Variants in GABRB1 observed in about 807,000 individuals in gnomAD.
The protein encoded by GABRB1 is gamma-aminobutyric acid type A receptor subunit beta1.
In GABRB1, 17 loss-of-function variants were observed where a neutral mutation model predicts 51.6. The ratio of observed to expected loss-of-function variants is 0.33; its 90% CI spans 0.23 to 0.49. GABRB1 has a LOEUF of 0.49. GABRB1 is among the 20% of genes least tolerant of loss of function. The probability of loss-of-function intolerance (pLI) is 0.99; values close to 1 mark genes in which losing one functional copy is unlikely to be tolerated. For synonymous variants in GABRB1, 247 were observed against 218.9 expected, an observed-to-expected ratio of 1.13 and a Z score of -1.14; for missense variants, 410 against 600.6, an observed-to-expected ratio of 0.68 and a Z score of 3.32.
chr4:47,345,749 A>G (rs913732847), intron 5 of GABRB1, among the ~76,000 whole-genome samples: 6 of 152,128 alleles, frequency 3.9e-5, no homozygotes, highest in African/African-American at 1.2e-4. Context: ...GTTACTCCGG[A>G]CCTCATGTCA....
intron 1 of GABRB1, among the ~76,000 whole-genome samples, chr4:47,005,991 G>A (rs1724386292): frequency 6.8e-6 from 1 of 146,822 alleles, no homozygotes; most frequent in Admixed American, 6.8e-5. Context: ...GGAGGCTTTT[G>A]TTATTCTTTT....
chr4:47,363,339 A>T (rs1726871166), intron 5 of GABRB1, among the ~76,000 whole-genome samples: 1 of 152,136 alleles, frequency 6.6e-6, no homozygotes, highest in African/African-American at 2.4e-5. Context: ...GCTACATACC[A>T]TATACCATGG....
Position 47,425,663 on chromosome 4 carries a change from T to C in GABRB1, c.1081-11T>C, listed in dbSNP as rs1319659538. On this transcript the variant is annotated splice_polypyrimidine_tract_variant and intron_variant, in intron 8 of 8. Transcript: ENST00000295454. Reference sequence around the variant, plus strand: ...GCAACTTGTGTCCGAGCCTGTTCTTTTTGCCATCAGGTCGACGCCCACGGT... The same window carrying C: ...GCAACTTGTGTCCGAGCCTGTTCTTCTTGCCATCAGGTCGACGCCCACGGT... 1.9e-6 allele frequency: 3 copies of C among 1,577,388 alleles called. No homozygotes were observed. In the South Asian group the frequency reaches 3.5e-5, roughly 18 times the overall value.
At chr4:47,148,051 A>G (rs1717254828) in intron 3 of GABRB1, among the ~76,000 whole-genome samples, 1 of 152,102 alleles carries the variant, frequency 6.6e-6, no homozygotes, top group Non-Finnish European at 1.5e-5. Context: ...ACAAGACTAG[A>G]GAAGTCTACT....
At chr4:47,121,316 A>T (rs1156830982) in intron 3 of GABRB1, among the ~76,000 whole-genome samples, 1 of 151,764 alleles carries the variant, frequency 6.6e-6, no homozygotes, top group Non-Finnish European at 1.5e-5. Flanking sequence ...CTCTCTCCCC[A>T]CCCCTGAGGC....
At chr4:47,261,039 G>A (rs2109877938) in intron 4 of GABRB1, among the ~76,000 whole-genome samples, 1 of 152,220 alleles carries the variant, frequency 6.6e-6, no homozygotes, top group South Asian at 2.1e-4. Flanking sequence ...AGGTATTGAT[G>A]GGACAAATCT....
chr4:47,068,017 A>G (rs1417925207), intron 3 of GABRB1, among the ~76,000 whole-genome samples: 1 of 152,184 alleles, frequency 6.6e-6, no homozygotes, highest in Non-Finnish European at 1.5e-5. Flanking sequence ...GCTGAGGATA[A>G]TGGCTTCTAG....
chr4:47,059,141 G>T (rs969315062), intron 3 of GABRB1, among the ~76,000 whole-genome samples: 3 of 152,134 alleles, frequency 2.0e-5, no homozygotes, highest in Non-Finnish European at 2.9e-5. Context: ...AGCTAATTCA[G>T]TCTTAGAGAA....
At chr4:47,301,313 C>T (rs189278066) in intron 4 of GABRB1, among the ~76,000 whole-genome samples, 1 of 152,070 alleles carries the variant, frequency 6.6e-6, no homozygotes, top group Non-Finnish European at 1.5e-5. Context: ...AAGATAAATT[C>T]ATGTAAAAGT....
chr4:47,223,702 G>A (rs953160897), intron 4 of GABRB1, among the ~76,000 whole-genome samples: 2 of 152,116 alleles, frequency 1.3e-5, no homozygotes, highest in African/African-American at 2.4e-5. Flanking sequence ...GGTCTGAGAT[G>A]CTGGGGTTCT....
chr4:47,062,216 C>A lies in GABRB1; in HGVS notation c.240+29732C>A, dbSNP rs1352018247. 5.3e-5 allele frequency among the ~76,000 whole-genome samples: 8 copies of A among 151,930 alleles called. No individual in the cohort carries two copies. In the East Asian group the frequency reaches 1.5e-3, roughly 29 times the overall value. On this transcript the variant is annotated intron_variant, in intron 3 of 8. Coordinates refer to ENST00000295454, the MANE Select transcript of GABRB1 (RefSeq NM_000812.4). ...GAACAGAGCTGAAATCAGACAGGGT[C>A]ATTTTCTCAAAAGGATTTTTTTAGT...
intron 5 of GABRB1, among the ~76,000 whole-genome samples, chr4:47,347,087 G>C (rs1390753716): frequency 1.3e-5 from 2 of 152,100 alleles, no homozygotes; most frequent in Non-Finnish European, 2.9e-5. Flanking sequence ...TTCGTGACCA[G>C]CCTGGCCAAC....
chr4:47,354,028 C>G (rs1726460604), intron 5 of GABRB1, among the ~76,000 whole-genome samples: 1 of 152,018 alleles, frequency 6.6e-6, no homozygotes, highest in South Asian at 2.1e-4. Flanking sequence ...TTGAAGTACT[C>G]CTTTATAGGT....
intron 5 of GABRB1, among the ~76,000 whole-genome samples, chr4:47,331,232 G>A (rs1450489633): frequency 6.6e-6 from 1 of 151,992 alleles, no homozygotes; most frequent in Admixed American, 6.6e-5. Context: ...AGAGGGGTGG[G>A]TGGAGAGAGG....
chr4:47,403,190 A>G (rs1232723652), intron 5 of GABRB1, 128 bp from the exon 6 acceptor site: 3 of 912,840 alleles, frequency 3.3e-6, no homozygotes, highest in Middle Eastern at 3.4e-4. Context: ...TGAGACCTGC[A>G]TACCACCCTA....
At chr4:47,024,548 C>T (rs1176770025) in intron 1 of GABRB1, among the ~76,000 whole-genome samples, 1 of 151,814 alleles carries the variant, frequency 6.6e-6, no homozygotes, top group African/African-American at 2.4e-5. Context: ...TTTTATCTCT[C>T]ACAGAGAGGA....
rs559956754 is a variant in GABRB1, at chr4:47,078,280, C to T, written c.240+45796C>T. Among the ~76,000 whole-genome samples the T allele has an allele frequency of 2.6e-4, 40 of 151,916 alleles. 1 individual carries two copies. Among genetic ancestry groups the T allele is most frequent in the African/African-American group, 6.3e-4 (26 of 41,420 alleles). On this transcript the variant is annotated intron_variant, in intron 3 of 8. Coordinates refer to ENST00000295454, the MANE Select transcript of GABRB1 (RefSeq NM_000812.4). ...GACTACAGGCATGAGCCATCGCGCC[C>T]GGCCTATAATTAGAAATATTTATCA...
At chr4:47,340,459 C>T (rs908915409) in intron 5 of GABRB1, among the ~76,000 whole-genome samples, 1 of 152,112 alleles carries the variant, frequency 6.6e-6, no homozygotes, top group African/African-American at 2.4e-5. Flanking sequence ...TTATACACAG[C>T]AGAAATTTAT....
intron 4 of GABRB1, among the ~76,000 whole-genome samples, chr4:47,294,101 T>G (rs1392862689): frequency 1.3e-5 from 2 of 152,166 alleles, no homozygotes; most frequent in African/African-American, 4.8e-5. Flanking sequence ...CTACCTTACT[T>G]AGAAATTATC....
Sources: allele counts gnomAD v4.1 joint callset (sites outside exome capture counted in the v4.1 genomes callset), GRCh38; gene constraint gnomAD v4.1.1; transcripts MANE v1.5; gene names NCBI Gene and HGNC (gene_info 2026-07-23, HGNC 2026-07-21).